The following RNF130 variants were observed in gnomAD, a reference collection of about 807,000 sequenced individuals.
RNF130 encodes ring finger protein 130.
A neutral mutation model predicts 44.6 loss-of-function variants in RNF130; 21 were observed. That is an observed-to-expected ratio of 0.47 (90% CI 0.33 to 0.68). RNF130 has a LOEUF of 0.68. Among genes scored for constraint, RNF130 ranks in the 30% least tolerant of loss-of-function variants. RNF130 has a pLI of 0.02. For missense variants in RNF130, 479 were observed against 560.6 expected, an observed-to-expected ratio of 0.85 and a Z score of 1.47; for synonymous variants, 214 against 210.4, an observed-to-expected ratio of 1.02 and a Z score of -0.15.
At chr5:180,003,565 G>C (rs2113064369) in intron 3 of RNF130, among the ~76,000 whole-genome samples, 1 of 152,284 alleles carries the variant, frequency 6.6e-6, no homozygotes, top group South Asian at 2.1e-4. Flanking sequence ...ATTATCCTTT[G>C]AGTTTTTAAT....
chr5:179,961,532 C>A (rs1396074719), intron 8 of RNF130, among the ~76,000 whole-genome samples: 2 of 152,136 alleles, frequency 1.3e-5, no homozygotes, highest in African/African-American at 4.8e-5. Flanking sequence ...TAATCTGATG[C>A]ATGAACTGAA....
At chr5:179,915,773 C>T (rs1761536052) in exon 8 of RNF130, 1 of 152,428 alleles carries the variant, frequency 6.6e-6, no homozygotes, top group Admixed American at 6.6e-5. Context: ...AAGTGCTGCC[C>T]TCGCCTCCTG....
intron 2 of RNF130, among the ~76,000 whole-genome samples, chr5:180,024,689 G>A (rs770348123): frequency 2.0e-5 from 3 of 152,198 alleles, no homozygotes; most frequent in Non-Finnish European, 4.4e-5. Flanking sequence ...AAAGGGAAAT[G>A]ACACCAAACG....
At chr5:180,057,613 G>C (rs1266524385) in intron 1 of RNF130, among the ~76,000 whole-genome samples, 3 of 152,090 alleles carry the variant, frequency 2.0e-5, no homozygotes, top group African/African-American at 7.2e-5. Flanking sequence ...ACAGGGTTCA[G>C]GTAGCTTTGG....
At chr5:180,012,256 T>C (rs1582187088) in intron 3 of RNF130, among the ~76,000 whole-genome samples, 1 of 152,162 alleles carries the variant, frequency 6.6e-6, no homozygotes, top group South Asian at 2.1e-4. Context: ...CCACAGGAAT[T>C]TGAATGTACC....
At chr5:179,983,119 T>C (rs1387076471) in intron 3 of RNF130, among the ~76,000 whole-genome samples, 3 of 152,234 alleles carry the variant, frequency 2.0e-5, no homozygotes, top group Non-Finnish European at 4.4e-5. Flanking sequence ...TCCTTTTGCA[T>C]GTATTTCCCC....
At chr5:179,926,991 T>TC (rs1243876729) in intron 7 of RNF130, among the ~76,000 whole-genome samples, 1 of 152,200 alleles carries the variant, frequency 6.6e-6, no homozygotes, top group African/African-American at 2.4e-5. Context: ...TGACTGTTGG[T>TC]CACGGAAGTC....
At chr5:179,928,355 T>TG (rs1761737009) in intron 7 of RNF130, among the ~76,000 whole-genome samples, 1 of 150,588 alleles carries the variant, frequency 6.6e-6, no homozygotes, top group African/African-American at 2.5e-5. Context: ...ATGGATATTT[T>TG]GTTTTTTTTT....
At chr5:179,995,217 C>T (rs1763175911) in intron 3 of RNF130, among the ~76,000 whole-genome samples, 1 of 149,900 alleles carries the variant, frequency 6.7e-6, no homozygotes, top group East Asian at 1.9e-4. Flanking sequence ...TCTCTCTCTC[C>T]AGAACCATCA....
At chr5:180,064,612 G>C (rs1235131376) in intron 1 of RNF130, among the ~76,000 whole-genome samples, 1 of 152,104 alleles carries the variant, frequency 6.6e-6, no homozygotes, top group African/African-American at 2.4e-5. Flanking sequence ...CAATTTTATT[G>C]TTATGTTCAT....
intron 1 of RNF130, among the ~76,000 whole-genome samples, chr5:180,057,296 C>T (rs986216809): frequency 2.6e-5 from 4 of 152,256 alleles, no homozygotes; most frequent in African/African-American, 9.6e-5. Context: ...CGCCTGTAAT[C>T]CCAGCACTTT....
At chr5:179,954,863 T>C (rs537002467), downstream of RNF130, among the ~76,000 whole-genome samples, 5 of 152,344 alleles carry the variant, frequency 3.3e-5, no homozygotes, top group Admixed American at 6.5e-5. Context: ...CATTTACAAA[T>C]ACTGAAAATC....
At chr5:180,038,056 T>A (rs1283639340) in intron 2 of RNF130, among the ~76,000 whole-genome samples, 2 of 152,092 alleles carry the variant, frequency 1.3e-5, no homozygotes, top group Non-Finnish European at 1.5e-5. Context: ...TTTTGTTTAG[T>A]TTTGTGTTTG....
intron 7 of RNF130, among the ~76,000 whole-genome samples, chr5:179,930,205 C>A (rs61701033): frequency 6.6e-6 from 1 of 151,996 alleles, no homozygotes; most frequent in Non-Finnish European, 1.5e-5. Context: ...TTACAGGCAT[C>A]TGCCACCACA....
At chr5:179,927,047 G>A (rs1761717870) in intron 7 of RNF130, among the ~76,000 whole-genome samples, 1 of 152,190 alleles carries the variant, frequency 6.6e-6, no homozygotes, top group South Asian at 2.1e-4. Flanking sequence ...AAAACAGTTT[G>A]CTTTTTCTAG....
At chr5:180,009,861 A>G (rs1763544762) in intron 3 of RNF130, among the ~76,000 whole-genome samples, 1 of 152,230 alleles carries the variant, frequency 6.6e-6, no homozygotes, top group Non-Finnish European at 1.5e-5. Context: ...ATATCCTTCA[A>G]TGAGCGAGCA....
At chr5:180,065,577 G>A (rs373746401) in intron 1 of RNF130, among the ~76,000 whole-genome samples, 48 of 152,170 alleles carry the variant, frequency 3.2e-4, no homozygotes, top group African/African-American at 1.1e-3. Flanking sequence ...TGGCTAACAT[G>A]GTGAAACCCC....
chr5:179,968,543 G>A (rs1432606716), intron 6 of RNF130, among the ~76,000 whole-genome samples: 1 of 151,760 alleles, frequency 6.6e-6, no homozygotes, highest in South Asian at 2.1e-4. Context: ...GCAGGTGCCT[G>A]TAATCCCAGC....
At chr5:180,009,960 T>C (rs573734024) in intron 3 of RNF130, among the ~76,000 whole-genome samples, 1 of 152,142 alleles carries the variant, frequency 6.6e-6, no homozygotes, top group East Asian at 1.9e-4. Context: ...AACTTGAAAG[T>C]ATCTTGGCCG....
Sources: gnomAD v4.1 joint callset for allele counts (sites outside exome capture counted in the v4.1 genomes callset) on GRCh38, gnomAD v4.1.1 for gene constraint, MANE v1.5 for transcripts, NCBI Gene and HGNC (gene_info 2026-07-23, HGNC 2026-07-21) for gene names.